The following DIP2C variants were observed in gnomAD, a reference collection of about 807,000 sequenced individuals.
DIP2C encodes disco-interacting protein 2 homolog C.
In DIP2C, 33 loss-of-function variants were observed where a neutral mutation model predicts 192.4. The observed-to-expected ratio is 0.17, with a 90% CI of 0.13 to 0.23. DIP2C has a LOEUF of 0.23. Ranked by LOEUF, DIP2C falls within the 10% of genes least tolerant of loss-of-function variation. The pLI, the probability that DIP2C is intolerant of heterozygous loss-of-function variation, is 1.00. For missense variants in DIP2C, 1,537 were observed against 2,110.1 expected, an observed-to-expected ratio of 0.73 and a Z score of 5.32; for synonymous variants, 979 against 864.1, an observed-to-expected ratio of 1.13 and a Z score of -2.33.
intron 4 of DIP2C, among the ~76,000 whole-genome samples, chr10:425,428 G>A (rs937765759): frequency 1.9e-4 from 28 of 149,420 alleles, no homozygotes; most frequent in African/African-American, 6.7e-4. Context: ...ATGACCAGCA[G>A]TGACTAATAT....
At chr10:481,511 G>T (rs769935686) in intron 2 of DIP2C, among the ~76,000 whole-genome samples, 1 of 152,184 alleles carries the variant, frequency 6.6e-6, no homozygotes, top group Non-Finnish European at 1.5e-5. Flanking sequence ...ACTGGGATGG[G>T]AGCCAAGTTC....
intron 1 of DIP2C, among the ~76,000 whole-genome samples, chr10:521,594 G>A (rs1340058971): frequency 1.3e-5 from 2 of 152,172 alleles, no homozygotes; most frequent in African/African-American, 4.8e-5. Context: ...TGGCTATCCT[G>A]GCAGTGCTCA....
chr10:285,976 G>C (rs1403387935), intron 34 of DIP2C, among the ~76,000 whole-genome samples: 1 of 152,212 alleles, frequency 6.6e-6, no homozygotes, highest in African/African-American at 2.4e-5. Flanking sequence ...GCAAACTCAA[G>C]AGCCAAGAAA....
chr10:461,270 C>T (rs1047818080), intron 3 of DIP2C, among the ~76,000 whole-genome samples: 8 of 152,198 alleles, frequency 5.3e-5, no homozygotes, highest in African/African-American at 1.7e-4. Flanking sequence ...TGGATAGAGT[C>T]AAGACCCGTT....
intron 3 of DIP2C, among the ~76,000 whole-genome samples, chr10:468,169 C>T (rs1970376138): frequency 6.6e-6 from 1 of 152,106 alleles, no homozygotes; most frequent in South Asian, 2.1e-4. Context: ...AACATAAGCT[C>T]CTCTTATCTC....
intron 1 of DIP2C, among the ~76,000 whole-genome samples, chr10:550,351 A>T (rs1848521023): frequency 6.6e-6 from 1 of 152,110 alleles, no homozygotes; most frequent in South Asian, 2.1e-4. Flanking sequence ...ATAAAATTAG[A>T]AGTATCAGTT....
At chr10:508,958 C>A (rs1453003108) in intron 1 of DIP2C, among the ~76,000 whole-genome samples, 2 of 152,212 alleles carry the variant, frequency 1.3e-5, no homozygotes, top group African/African-American at 2.4e-5. Context: ...TCTTGGATGT[C>A]TCATCCTGGG....
At chr10:406,751 G>T (rs1381104611) in intron 9 of DIP2C, among the ~76,000 whole-genome samples, 1 of 152,046 alleles carries the variant, frequency 6.6e-6, no homozygotes, top group Non-Finnish European at 1.5e-5. Flanking sequence ...CCCTAAAGGG[G>T]TCATGCAGCC....
At chr10:655,528 A>T (rs1564311591) in intron 1 of DIP2C, among the ~76,000 whole-genome samples, 1 of 151,980 alleles carries the variant, frequency 6.6e-6, no homozygotes, top group Admixed American at 6.6e-5. Flanking sequence ...GTTCTGTGCT[A>T]TGCGACTCTG....
intron 10 of DIP2C, 86 bp from the exon 11 acceptor site, chr10:390,949 A>T (rs1360161317): frequency 2.6e-6 from 4 of 1,542,800 alleles, no homozygotes; most frequent in Admixed American, 1.9e-5. Flanking sequence ...GTTCACACAG[A>T]CCCTCGAGTC....
intron 1 of DIP2C, among the ~76,000 whole-genome samples, chr10:685,756 G>A (rs1424647366): frequency 6.6e-6 from 1 of 152,140 alleles, no homozygotes; most frequent in Non-Finnish European, 1.5e-5. Flanking sequence ...GAGGTAAAGA[G>A]TTCGAGACCA....
chr10:398,803 TAAAAA>T (rs11304714), intron 10 of DIP2C, among the ~76,000 whole-genome samples: 2 of 151,860 alleles, frequency 1.3e-5, no homozygotes. Context: ...AAATAATAAT[TAAAAA>T]AAAACTATCA....
intron 9 of DIP2C, among the ~76,000 whole-genome samples, chr10:405,106 CT>C (rs1964708897): frequency 6.6e-6 from 1 of 152,236 alleles, no homozygotes; most frequent in African/African-American, 2.4e-5. Flanking sequence ...TCAGTTCTGA[CT>C]TGTTAATCTT....
At chr10:542,716 C>T (rs1848068283) in intron 1 of DIP2C, among the ~76,000 whole-genome samples, 1 of 152,046 alleles carries the variant, frequency 6.6e-6, no homozygotes, top group Non-Finnish European at 1.5e-5. Context: ...TACCACAGGT[C>T]ATCAGATCCC....
In DIP2C at chr10:387,754, G is replaced by T. The variant is rs1436768594; in HGVS notation, c.1653C>A (p.Gly551=). The change falls in exon 14 of 37, where the codon GGC becomes GGA. Residue 551 remains glycine (G), a synonymous_variant. Transcript: ENST00000280886. ...GGGGGACCTCACTTACTGTCAGGAT[G>T]CCATGCCAGAGCCCGACGTCCTTCT... ...DFKKDVGLWH[G]ILTSVMNMMH... The T allele has an allele frequency of 6.2e-7, 1 of 1,614,086 alleles. No homozygotes were observed. Among genetic ancestry groups the T allele is most frequent in the East Asian group, 2.2e-5 (1 of 44,886 alleles).
At chr10:617,597 C>T (rs1191616209) in intron 1 of DIP2C, among the ~76,000 whole-genome samples, 1 of 152,158 alleles carries the variant, frequency 6.6e-6, no homozygotes, top group African/African-American at 2.4e-5. Flanking sequence ...ACGCAGTGAC[C>T]TGCCACGTAG....
intron 17 of DIP2C, chr10:369,956 C>T (rs1960765160): frequency 2.0e-6 from 2 of 985,402 alleles, no homozygotes; most frequent in Middle Eastern, 5.2e-4. Context: ...AGGCCCTGCA[C>T]AGACCAGCTC....
At chr10:373,677 G>T (rs1961248161) in intron 17 of DIP2C, among the ~76,000 whole-genome samples, 1 of 152,148 alleles carries the variant, frequency 6.6e-6, no homozygotes, top group South Asian at 2.1e-4. Context: ...TAGAATCCAG[G>T]GCTTGTGGCT....
At chr10:502,974 T>A (rs1845345543) in intron 1 of DIP2C, among the ~76,000 whole-genome samples, 1 of 151,764 alleles carries the variant, frequency 6.6e-6, no homozygotes, top group Non-Finnish European at 1.5e-5. Context: ...CCAGCATAAA[T>A]CCTGGCAGGA....
Sources: allele counts gnomAD v4.1 joint callset (sites outside exome capture counted in the v4.1 genomes callset), GRCh38; gene constraint gnomAD v4.1.1; transcripts MANE v1.5; gene names NCBI Gene and HGNC (gene_info 2026-07-23, HGNC 2026-07-21).